B3GAT3: variants seen among roughly 807,000 people sequenced by gnomAD.
B3GAT3 encodes beta-1,3-glucuronyltransferase 3.
A neutral mutation model predicts 33.1 loss-of-function variants in B3GAT3; 19 were observed. That is an observed-to-expected ratio of 0.57 (90% CI 0.40 to 0.84). The LOEUF (loss-of-function observed/expected upper bound fraction) is 0.84, where lower values mean the gene tolerates loss of function less well. B3GAT3 is among the 40% of genes least tolerant of loss of function. The pLI is 0.00. For missense variants in B3GAT3, 344 were observed against 441.5 expected (o/e 0.78, Z 1.98); for synonymous variants, 167 against 193.5 (o/e 0.86, Z 1.14).
At chr11:62,619,781 C>T (rs996649823) in intron 2 of B3GAT3, among the ~76,000 whole-genome samples, 16 of 144,284 alleles carry the variant, frequency 1.1e-4, no homozygotes, top group Non-Finnish European at 2.2e-4. Flanking sequence ...TGAGCTCAGG[C>T]GATCCGCCAG....
rs1163116871 is a variant in B3GAT3, at chr11:62,616,702, C to T, written c.713G>A (p.Gly238Asp). 1 of 1,614,180 alleles carries T rather than the reference C, an allele frequency of 6.2e-7. No individual in the cohort carries two copies. The highest frequency in any genetic ancestry group is 2.2e-5 in the East Asian group (1 of 44,884). Residue 238 changes from glycine (G) to aspartate (D), a missense_variant, in exon 4 of 5, where the codon GGC (glycine) becomes GAC (aspartate). Gly to Asp is a moderately conservative substitution (Grantham distance 94). Coordinates refer to ENST00000265471, the MANE Select transcript of B3GAT3 (RefSeq NM_012200.4). ...GCTGGGCTCCCATGCTGTGTGGAAG[C>T]CCACTACCCGGCCGTCCTGTACCTG... The part of the protein sequence containing the change: ...GPQVQDGRVV[G>D]FHTAWEPSRP...
At chr11:62,620,406 C>T (rs1484727966) in intron 2 of B3GAT3, 91 bp downstream of exon 2, 1 of 1,227,396 alleles carries the variant, frequency 8.1e-7, no homozygotes, top group Non-Finnish European at 1.2e-6. Context: ...GTTTGAGGAA[C>T]AACTCCTAGC....
rs145458624 is a variant in B3GAT3, at chr11:62,616,539, C to G, written c.876G>C (p.Lys292Asn). The change falls in exon 4 of 5, where the codon AAG (lysine) becomes AAC (asparagine). Residue 292 changes from lysine to asparagine, a missense_variant. Transcript: ENST00000265471. The stretch of plus-strand genomic sequence containing the variant: ...AGTTGGCAGCCCGTGGCTCCAGGTC[C>G]TTGGGATCCACAAGGTGGCTCAGAA... ...SSLLSHLVDP[K>N]DLEPRAANCT... is the part of the protein sequence containing the mutation. 43 of 1,614,124 alleles carry G rather than the reference C, an allele frequency of 2.7e-5. No homozygotes were observed. In the African/African-American group the frequency reaches 5.1e-4, roughly 19 times the overall value.
intron 1 of B3GAT3, among the ~76,000 whole-genome samples, chr11:62,620,877 A>G: frequency 6.6e-6 from 1 of 152,104 alleles, no homozygotes; most frequent in Admixed American, 6.5e-5. Flanking sequence ...AATAAATTCC[A>G]TTGTTACAAT....
In B3GAT3 at chr11:62,621,355, A is replaced by C. The variant is rs141707297; in HGVS notation, c.82+511T>G. Reference sequence around the variant, plus strand: ...CTGTGATGGGGCCATGAAGAAAATAATCAGGATAGAGAATAAAAGGGAATG... The same window carrying C: ...CTGTGATGGGGCCATGAAGAAAATACTCAGGATAGAGAATAAAAGGGAATG... On this transcript the variant is annotated intron_variant, in intron 1 of 4. Transcript: ENST00000265471. 4.1e-4 allele frequency: 189 copies of C among 456,792 alleles called. No homozygotes were observed. The Middle Eastern group carries it at 8.5e-3, about 20-fold the overall frequency. The allele number at this position is 456,792 out of a possible 1,614,324, so 28.3% of individuals were successfully genotyped here.
At chr11:62,621,008 A>C (rs535104722) in intron 1 of B3GAT3, 111 of 516,824 alleles carry the variant, frequency 2.1e-4, no homozygotes, top group African/African-American at 2.0e-3. Context: ...CAAGGTGCCA[A>C]CTAACCATTA....
At position 62,617,175 on chromosome 11, in the gene B3GAT3, G is replaced by A. The variant is rs149624096; in HGVS notation, c.430C>T (p.Arg144Trp). 102 of 1,613,956 alleles carry A rather than the reference G, an allele frequency of 6.3e-5. No homozygotes were observed. In the African/African-American group the frequency reaches 6.7e-4, roughly 11 times the overall value. ...HLVVLTPKAQ[R>W]LREGEPGWVH... ...CAGCCAGGCTCGCCCTCCCGAAGCC[G>A]CTGGGCTTTGGGCGTGAGGACCACC... The change falls in exon 3 of 5, where the codon CGG (arginine) becomes TGG (tryptophan). Residue 144 changes from arginine (R) to tryptophan (W), a missense_variant. Coordinates refer to ENST00000265471, the MANE Select transcript of B3GAT3 (RefSeq NM_012200.4).
At chr11:62,616,864 T>C in intron 3 of B3GAT3, 68 bp from the exon 4 acceptor site, 2 of 1,612,182 alleles carry the variant, frequency 1.2e-6, no homozygotes, top group Non-Finnish European at 1.7e-6. Context: ...AAGAGCCACC[T>C]GGCTCACTCT....
Position 62,617,195 on chromosome 11 carries a change from A to G in B3GAT3, c.410T>C (p.Val137Ala), listed in dbSNP as rs1423189667. 1 of 1,613,810 alleles carries G rather than the reference A, an allele frequency of 6.2e-7. No homozygotes were observed. Among genetic ancestry groups the G allele is most frequent in the East Asian group, 2.2e-5 (1 of 44,890 alleles). ...ASGLLFTHLV[V>A]LTPKAQRLRE... ...AAGCCGCTGGGCTTTGGGCGTGAGG[A>G]CCACCAGGTGTGTGAAGAGGAGGCC... The change falls in exon 3 of 5, where the codon GTC becomes GCC. Residue 137 changes from valine to alanine, a missense_variant. Coordinates refer to ENST00000265471, the MANE Select transcript of B3GAT3 (RefSeq NM_012200.4).
chr11:62,615,966 C>G (rs1359947025), intron 4 of B3GAT3, 167 bp from the exon 5 acceptor site: 1 of 1,492,800 alleles, frequency 6.7e-7, no homozygotes, highest in Non-Finnish European at 8.9e-7. Flanking sequence ...GGGCCTTGGC[C>G]GGGCGCGTGG....
chr11:62,619,108 A>ACCAC (rs1943092040), intron 2 of B3GAT3, among the ~76,000 whole-genome samples: 1 of 147,456 alleles, frequency 6.8e-6, no homozygotes, highest in Admixed American at 6.8e-5. Context: ...CCAAGATCAC[A>ACCAC]CCACTGCACT....
chr11:62,621,330 CTG>C, intron 1 of B3GAT3: 1 of 456,528 alleles, frequency 2.2e-6, no homozygotes, highest in Non-Finnish European at 4.4e-6. Context: ...TTATTACAAA[CTG>C]TGATGGGGCC....
intron 2 of B3GAT3, among the ~76,000 whole-genome samples, chr11:62,618,400 C>A (rs973838912): frequency 6.6e-6 from 1 of 152,112 alleles, no homozygotes; most frequent in Non-Finnish European, 1.5e-5. Flanking sequence ...TGGTGGCTCA[C>A]ACCTGTAATC....
chr11:62,617,983 C>T (rs1283375243), intron 2 of B3GAT3, among the ~76,000 whole-genome samples: 1 of 151,794 alleles, frequency 6.6e-6, no homozygotes, highest in East Asian at 1.9e-4. Flanking sequence ...CGAGACCAGC[C>T]TGCCCAACAT....
intron 1 of B3GAT3, 118 bp downstream of exon 1, chr11:62,621,748 G>A (rs1156479393): frequency 8.8e-7 from 1 of 1,130,454 alleles, no homozygotes; most frequent in East Asian, 2.6e-5. Flanking sequence ...AGGCCGCAGA[G>A]CTGTCCGGAG....
intron 4 of B3GAT3, 121 bp from the exon 5 acceptor site, chr11:62,615,920 G>C (rs1943013285): frequency 2.6e-6 from 4 of 1,531,228 alleles, no homozygotes; most frequent in Admixed American, 2.0e-5. Flanking sequence ...AAAGTGTAAA[G>C]GGCAGGGTGG....
At chr11:62,621,716 T>C (rs909098840) in intron 1 of B3GAT3, 150 bp downstream of exon 1, 5 of 835,306 alleles carry the variant, frequency 6.0e-6, no homozygotes, top group Non-Finnish European at 7.3e-6. Context: ...CGCGGTGCGT[T>C]CTATAGAGGG....
rs1215648192 is a variant in B3GAT3 at position 62,617,138 on chromosome 11, C to T, written c.467G>A (p.Arg156His). ...GGCCTTGTTCCGCTGCTCGACACCA[C>T]GGGGATGAACCCAGCCAGGCTCGCC... is the stretch of plus-strand genomic sequence containing the variant. ...REGEPGWVHP[R>H]GVEQRNKALD... Residue 156 changes from arginine (R) to histidine (H), a missense_variant, in exon 3 of 5, where the codon CGT (arginine) becomes CAT (histidine). Transcript: ENST00000265471. 63 of 1,613,908 alleles carry T rather than the reference C, an allele frequency of 3.9e-5. No individual in the cohort carries two copies. The highest frequency in any genetic ancestry group is 5.0e-5 in the Non-Finnish European group (59 of 1,180,006).
chr11:62,617,548 C>T, intron 2 of B3GAT3: 5 of 700,498 alleles, frequency 7.1e-6, no homozygotes, highest in Non-Finnish European at 1.2e-5. Flanking sequence ...CATCACCCAC[C>T]TCAACTCCAG....
Sources: allele counts gnomAD v4.1 joint callset (sites outside exome capture counted in the v4.1 genomes callset), GRCh38; gene constraint gnomAD v4.1.1; transcripts MANE v1.5; gene names NCBI Gene and HGNC (gene_info 2026-07-23, HGNC 2026-07-21).